The following HABP4 variants were observed in gnomAD, a reference collection of about 807,000 sequenced individuals.
HABP4 encodes the protein intracellular hyaluronan-binding protein 4.
A neutral mutation model predicts 44.1 loss-of-function variants in HABP4; 32 were observed. That is an observed-to-expected ratio of 0.73 (90% confidence interval 0.55 to 0.97). The LOEUF (loss-of-function observed/expected upper bound fraction) is 0.97. Among genes scored for constraint, HABP4 ranks in the 50% least tolerant of loss-of-function variants. The pLI is 0.00. For missense variants in HABP4, 503 were observed against 561.9 expected, an observed-to-expected ratio of 0.90 and a Z score of 1.06; for synonymous variants, 216 against 218.0, an observed-to-expected ratio of 0.99 and a Z score of 0.08.
chr9:96,490,336 G>A lies in HABP4; in HGVS notation c.*298G>A, dbSNP rs1833068644. The stretch of plus-strand genomic sequence containing the variant: ...GTATAGACTCCTCCGCGGAAGCATG[G>A]AGGGAAAGGAGGTTGTAAAATAGAC... On this transcript the variant is annotated 3_prime_UTR_variant, in exon 8 of 8. Coordinates refer to ENST00000375249, the MANE Select transcript of HABP4 (RefSeq NM_014282.4). 6.8e-6 allele frequency: 2 copies of A among 294,744 alleles called. No individual in the cohort carries two copies. The highest frequency in any genetic ancestry group is 1.0e-3 in the Middle Eastern group (1 of 970). The allele number at this position is 294,744 out of a possible 1,614,324, so 18.3% of individuals were successfully genotyped here. A position where few individuals can be genotyped will look rare whatever the true frequency, so the allele number is the denominator to read the frequency against.
At chr9:96,480,523 G>A (rs1832858216) in intron 5 of HABP4, among the ~76,000 whole-genome samples, 1 of 152,096 alleles carries the variant, frequency 6.6e-6, no homozygotes, top group Admixed American at 6.5e-5. Flanking sequence ...AAAGTTTAAA[G>A]AATTTTATAG....
In HABP4 at chr9:96,465,511, G is replaced by A. The variant is rs754194517; in HGVS notation, c.674+13G>A. 4 of 1,568,886 alleles carry A rather than the reference G, an allele frequency of 2.5e-6. No individual in the cohort carries two copies. Among genetic ancestry groups the A allele is most frequent in the South Asian group, 2.2e-5 (2 of 90,080 alleles). ...GGAATGACAAAATGTAAGTTTCTTT[G>A]TAAATGCTATTTTCACTTTAAGATG... On this transcript the variant is annotated intron_variant, in intron 3 of 7. Coordinates refer to ENST00000375249, the MANE Select transcript of HABP4 (RefSeq NM_014282.4).
intron 1 of HABP4, among the ~76,000 whole-genome samples, chr9:96,454,144 G>T (rs1232828470): frequency 6.6e-6 from 1 of 152,020 alleles, no homozygotes; most frequent in African/African-American, 2.4e-5. Context: ...CAAATTTGAC[G>T]CAATTAAAAA....
intron 2 of HABP4, 85 bp downstream of exon 2, chr9:96,458,626 CTTT>C (rs372291268): frequency 3.9e-3 from 2,505 of 639,530 alleles, no homozygotes; most frequent in Middle Eastern, 8.3e-3. Flanking sequence ...TTCTTTCTTT[CTTT>C]TTTTTTTTTT....
chr9:96,460,106 AGC>A, intron 2 of HABP4, among the ~76,000 whole-genome samples: 1 of 152,164 alleles, frequency 6.6e-6, no homozygotes, highest in Admixed American at 6.5e-5. Context: ...CTTTTTTAGT[AGC>A]AAGACTGTGT....
At chr9:96,465,186 G>A (rs1340609211) in intron 2 of HABP4, 151 bp from the exon 3 acceptor site, 1 of 643,536 alleles carries the variant, frequency 1.6e-6, no homozygotes, top group East Asian at 2.5e-5. Context: ...ATAGTCTATA[G>A]TATGCGCTCA....
intron 5 of HABP4, among the ~76,000 whole-genome samples, chr9:96,481,113 C>G (rs1308127417): frequency 1.3e-5 from 2 of 152,156 alleles, no homozygotes; most frequent in Non-Finnish European, 2.9e-5. Flanking sequence ...GAGAAAGAGT[C>G]TTGTTCTGTC....
intron 2 of HABP4, 92 bp downstream of exon 2, chr9:96,458,633 T>A (rs1243306093): frequency 2.2e-6 from 2 of 923,944 alleles, no homozygotes; most frequent in East Asian, 5.2e-5. Flanking sequence ...TTTCTTTTTT[T>A]TTTTTTTTTG....
At chr9:96,465,845 C>T (rs1251185199) in intron 4 of HABP4, 67 bp downstream of exon 4, 2 of 862,850 alleles carry the variant, frequency 2.3e-6, no homozygotes, top group Non-Finnish European at 4.0e-6. Context: ...CTTTGCTTTT[C>T]TTGAAAATGA....
intron 2 of HABP4, among the ~76,000 whole-genome samples, chr9:96,460,426 T>C (rs1489689401): frequency 6.6e-6 from 1 of 152,236 alleles, no homozygotes; most frequent in Non-Finnish European, 1.5e-5. Flanking sequence ...CTAAATACTT[T>C]AAATGCATTT....
intron 4 of HABP4, among the ~76,000 whole-genome samples, chr9:96,468,220 C>T (rs1832637773): frequency 1.3e-5 from 2 of 151,608 alleles, no homozygotes; most frequent in African/African-American, 4.8e-5. Flanking sequence ...GCAGCTAGGA[C>T]TACAGGCGCA....
chr9:96,488,496 TC>T lies in HABP4; in HGVS notation c.1185+225del, dbSNP rs1414537964. On this transcript the variant is annotated intron_variant, in intron 7 of 7. Transcript: ENST00000375249. The surrounding 1 kb of genome is among the most constrained non-coding windows in gnomAD (Gnocchi z 4.6). Reference sequence around the variant, plus strand: ...CTTCCAGGGTCTGCTGTGAAGGCACTCCCGGGATCAGAGAGAAACTCACTGT... The same window carrying T: ...CTTCCAGGGTCTGCTGTGAAGGCACTCCGGGATCAGAGAGAAACTCACTGT... 6.6e-6 allele frequency among the ~76,000 whole-genome samples: 1 copy of T among 152,136 alleles called. No individual in the cohort carries two copies. Among genetic ancestry groups the T allele is most frequent in the Non-Finnish European group, 1.5e-5 (1 of 68,032 alleles).
chr9:96,463,005 GC>G (rs1191731849), intron 2 of HABP4, among the ~76,000 whole-genome samples: 1 of 152,156 alleles, frequency 6.6e-6, no homozygotes, highest in African/African-American at 2.4e-5. Flanking sequence ...AGGCTGGAGT[GC>G]AGTGGCAGGA....
chr9:96,457,701 C>G (rs1832418260), intron 1 of HABP4, among the ~76,000 whole-genome samples: 1 of 152,128 alleles, frequency 6.6e-6, no homozygotes, highest in African/African-American at 2.4e-5. Context: ...AACCCTGTCT[C>G]TATTAAAAAT....
chr9:96,472,039 T>C (rs1353742229), intron 5 of HABP4, among the ~76,000 whole-genome samples: 2 of 152,140 alleles, frequency 1.3e-5, no homozygotes, highest in Non-Finnish European at 1.5e-5. Context: ...TCCGCCCATC[T>C]CAGCCTCCCA....
intron 1 of HABP4, chr9:96,451,359 T>A (rs1183468943): frequency 1.4e-5 from 4 of 287,164 alleles, no homozygotes. Context: ...CGCAGCGTGG[T>A]GTCCTGCTGC....
intron 5 of HABP4, among the ~76,000 whole-genome samples, chr9:96,472,530 C>T (rs962441871): frequency 3.9e-5 from 6 of 152,196 alleles, no homozygotes; most frequent in Non-Finnish European, 7.3e-5. Flanking sequence ...GCCTCCTGGG[C>T]TCCTTCCCTC....
intron 2 of HABP4, among the ~76,000 whole-genome samples, chr9:96,463,758 C>T (rs1419013130): frequency 2.0e-5 from 3 of 152,052 alleles, no homozygotes; most frequent in Non-Finnish European, 4.4e-5. Context: ...AGGAAGATTG[C>T]GAGTTTTGTA....
intron 6 of HABP4, among the ~76,000 whole-genome samples, chr9:96,487,317 TTGTG>T (rs549795684): frequency 6.6e-6 from 1 of 151,076 alleles, no homozygotes; most frequent in Admixed American, 6.6e-5. Flanking sequence ...AGTGGGGTTT[TTGTG>T]TGTGTGTGTG....
Sources: allele counts gnomAD v4.1 joint callset (sites outside exome capture counted in the v4.1 genomes callset), GRCh38; gene constraint gnomAD v4.1.1; non-coding constraint Gnocchi (gnomAD v3.1); transcripts MANE v1.5; gene names NCBI Gene and HGNC (gene_info 2026-07-23, HGNC 2026-07-21).